PSPC1: variants seen among roughly 807,000 people sequenced by gnomAD.
PSPC1 encodes paraspeckle protein 1.
PSPC1 carries 14 observed loss-of-function variants against 51.6 expected under a neutral mutation model. The observed-to-expected ratio is 0.27, with a 90% CI of 0.18 to 0.42. The LOEUF is 0.42. Ranked by LOEUF, PSPC1 falls within the 10% of genes least tolerant of loss-of-function variation. The pLI is 1.00. For missense variants in PSPC1, 406 were observed against 701.1 expected (o/e 0.58, Z 4.75); for synonymous variants, 193 against 231.9 (o/e 0.83, Z 1.53).
intron 3 of PSPC1, among the ~76,000 whole-genome samples, chr13:19,752,007 G>A (rs1886603340): frequency 6.6e-6 from 1 of 152,152 alleles, no homozygotes; most frequent in African/African-American, 2.4e-5. Flanking sequence ...ATAGTGAGCT[G>A]AGATCCTGCC....
chr13:19,721,610 G>T (rs935911537), intron 6 of PSPC1, among the ~76,000 whole-genome samples: 2 of 152,120 alleles, frequency 1.3e-5, no homozygotes, highest in Non-Finnish European at 2.9e-5. Context: ...TTCTCAGAAC[G>T]TTTGAGCTGT....
intron 6 of PSPC1, among the ~76,000 whole-genome samples, chr13:19,683,410 GAA>G (rs202017261): frequency 0.011 from 1,739 of 152,214 alleles, 32 homozygotes; most frequent in African/African-American, 0.038. Context: ...AAGCCGGAGA[GAA>G]AAAAGAGTAC....
intron 4 of PSPC1, among the ~76,000 whole-genome samples, chr13:19,750,915 G>A (rs1407739632): frequency 6.6e-6 from 1 of 151,958 alleles, no homozygotes; most frequent in Non-Finnish European, 1.5e-5. Flanking sequence ...GATTACAGGT[G>A]CGCACCACCA....
intron 1 of PSPC1, among the ~76,000 whole-genome samples, chr13:19,778,071 G>A (rs532348517): frequency 3.3e-5 from 5 of 150,688 alleles, no homozygotes; most frequent in South Asian, 2.1e-4. Context: ...GTGAAACCCC[G>A]TCTCTACTAA....
intron 6 of PSPC1, among the ~76,000 whole-genome samples, chr13:19,719,557 G>A (rs1246658257): frequency 6.6e-6 from 1 of 152,134 alleles, no homozygotes. Context: ...TGGAGGCAAC[G>A]ACAAATAGAA....
At chr13:19,736,647 C>T (rs1390817825) in intron 5 of PSPC1, among the ~76,000 whole-genome samples, 1 of 152,120 alleles carries the variant, frequency 6.6e-6, no homozygotes, top group Non-Finnish European at 1.5e-5. Context: ...CGCGCCACTG[C>T]ACTCCAGCCT....
chr13:19,702,962 T>G lies in PSPC1; in HGVS notation c.*213A>C. On this transcript the variant is annotated 3_prime_UTR_variant, in exon 9 of 9. Transcript: ENST00000338910. ...ATATTTAGCTAAAGTCACAAACACA[T>G]TTCAACATTCAAAATGATGAGCATC... 1 of 434,428 alleles carries G rather than the reference T, an allele frequency of 2.3e-6. No homozygotes were observed. Among genetic ancestry groups the G allele is most frequent in the East Asian group, 3.7e-5 (1 of 27,000 alleles). 26.9% of individuals were successfully genotyped at this position (434,428 alleles called of 1,614,324 possible).
chr13:19,676,223 T>C (rs988805938), intron 7 of PSPC1, among the ~76,000 whole-genome samples: 1 of 152,190 alleles, frequency 6.6e-6, no homozygotes, highest in Admixed American at 6.5e-5. Context: ...TTCAGATACC[T>C]ACATAATACA....
At chr13:19,741,267 G>A (rs190421192) in intron 5 of PSPC1, among the ~76,000 whole-genome samples, 3 of 152,132 alleles carry the variant, frequency 2.0e-5, no homozygotes, top group Non-Finnish European at 2.9e-5. Flanking sequence ...TAAGAGCAAC[G>A]CAAATATATC....
chr13:19,766,503 G>T (rs1056046554), intron 2 of PSPC1, among the ~76,000 whole-genome samples: 36 of 152,124 alleles, frequency 2.4e-4, no homozygotes, highest in African/African-American at 8.7e-4. Context: ...GGCCAGCCTG[G>T]GCCACATGGC....
At chr13:19,742,260 C>A (rs1318390683) in intron 4 of PSPC1, among the ~76,000 whole-genome samples, 838 of 118,682 alleles carry the variant, frequency 7.1e-3, no homozygotes, top group Non-Finnish European at 7.3e-3. Context: ...GACTCAATCT[C>A]AAAAAAAAAA....
intron 1 of PSPC1, among the ~76,000 whole-genome samples, chr13:19,773,249 ATTTTTTTTT>A (rs572248368): frequency 7.5e-6 from 1 of 133,940 alleles, no homozygotes; most frequent in Non-Finnish European, 1.6e-5. Flanking sequence ...TTTTTATCTC[ATTTTTTTTT>A]TTTTTTTTTG....
intron 5 of PSPC1, among the ~76,000 whole-genome samples, chr13:19,741,147 T>TA (rs2138035361): frequency 6.6e-6 from 1 of 152,318 alleles, no homozygotes; most frequent in Admixed American, 6.5e-5. Context: ...GTGCTGGAAT[T>TA]ACAGGCATGA....
At chr13:19,702,399 A>C (rs1880027663), downstream of PSPC1, 1 of 152,200 alleles carries the variant, frequency 6.6e-6, no homozygotes, top group Non-Finnish European at 1.5e-5. Flanking sequence ...GTACGATAAT[A>C]ATCGGGTAAG....
At position 19,768,920 on chromosome 13, in the gene PSPC1, AGGCCAGGAGTTCCT is replaced by A. The variant is rs1402869311; in HGVS notation, c.674+3308_674+3321del. On this transcript the variant is annotated intron_variant, in intron 2 of 8. Coordinates refer to ENST00000338910, the MANE Select transcript of PSPC1 (RefSeq NM_001354909.2). Reference sequence around the variant, plus strand: ...GAAACCGAAGCAGGTGGATCACTTGAGGCCAGGAGTTCCTGACCAGCCTAGCCAACGTGGCGAAA... The same window carrying A: ...GAAACCGAAGCAGGTGGATCACTTGAGACCAGCCTAGCCAACGTGGCGAAA... 2.0e-5 allele frequency among the ~76,000 whole-genome samples: 3 copies of A among 149,340 alleles called. No individual in the cohort carries two copies. In the Admixed American group the frequency reaches 2.0e-4, roughly 10 times the overall value.
rs184688591 is a variant in PSPC1, at chr13:19,718,075, G to T, written c.1159-8476C>A. Among the ~76,000 whole-genome samples, 311 of 151,892 alleles carry T rather than the reference G, an allele frequency of 2.0e-3. 1 individual carries two copies. Among genetic ancestry groups the T allele is most frequent in the African/African-American group, 7.2e-3 (300 of 41,452 alleles). ...TTTTTAAACGTTTTAAAATGAAAAGGAAAAAAATATACGTTTCTATTGATA... is the reference window on the plus strand; with the variant it reads ...TTTTTAAACGTTTTAAAATGAAAAGTAAAAAAATATACGTTTCTATTGATA... On this transcript the variant is annotated intron_variant, in intron 6 of 8. Transcript: ENST00000338910.
At chr13:19,781,916 A>G (rs1366550836) in intron 1 of PSPC1, among the ~76,000 whole-genome samples, 1 of 152,228 alleles carries the variant, frequency 6.6e-6, no homozygotes, top group Non-Finnish European at 1.5e-5. Context: ...GACCAGTGAT[A>G]CGTCTGGTCC....
intron 6 of PSPC1, among the ~76,000 whole-genome samples, chr13:19,682,902 TAAAAAAAAAAA>T: frequency 7.1e-6 from 1 of 141,334 alleles, no homozygotes; most frequent in African/African-American, 2.6e-5. Context: ...TGTCTCTCAC[TAAAAAAAAAAA>T]ATAAATTAGC....
intron 6 of PSPC1, among the ~76,000 whole-genome samples, chr13:19,688,474 A>G (rs530024656): frequency 6.6e-6 from 1 of 152,350 alleles, no homozygotes; most frequent in South Asian, 2.1e-4. Flanking sequence ...AGTAAAGTCC[A>G]AGTTGACTGC....
Sources: allele counts gnomAD v4.1 joint callset (sites outside exome capture counted in the v4.1 genomes callset), GRCh38; gene constraint gnomAD v4.1.1; transcripts MANE v1.5; gene names NCBI Gene and HGNC (gene_info 2026-07-23, HGNC 2026-07-21).